Variants in ATG7 observed in about 807,000 individuals in gnomAD.
The protein encoded by ATG7 is autophagy related 7, also known as ubiquitin-like modifier-activating enzyme ATG7.
ATG7 carries 70 observed loss-of-function variants against 82.4 expected under a neutral mutation model. The ratio of observed to expected loss-of-function variants is 0.85; its 90% CI spans 0.70 to 1.04. The LOEUF is 1.04. ATG7 is among the 50% of genes least tolerant of loss of function. ATG7 has a pLI of 0.00. For synonymous variants in ATG7, 287 were observed against 313.0 expected, an observed-to-expected ratio of 0.92 and a Z score of 0.88; for missense variants, 792 against 864.3, an observed-to-expected ratio of 0.92 and a Z score of 1.05.
intron 19 of ATG7, among the ~76,000 whole-genome samples, chr3:11,385,517 T>C (rs1158484435): frequency 6.6e-6 from 1 of 152,204 alleles, no homozygotes. Context: ...ACAAAGATGA[T>C]TACAATAGCC....
At chr3:11,383,195 G>C (rs1250636036) in intron 19 of ATG7, among the ~76,000 whole-genome samples, 1 of 152,088 alleles carries the variant, frequency 6.6e-6, no homozygotes, top group Non-Finnish European at 1.5e-5. Flanking sequence ...TCCAGTTGAG[G>C]ATCAAACATT....
At chr3:11,319,740 C>T (rs1575422034) in intron 9 of ATG7, among the ~76,000 whole-genome samples, 1 of 152,320 alleles carries the variant, frequency 6.6e-6, no homozygotes, top group East Asian at 1.9e-4. Flanking sequence ...ATCTGGTTAT[C>T]CTACCGGACA....
At chr3:11,393,161 T>G (rs2078954990) in intron 19 of ATG7, among the ~76,000 whole-genome samples, 1 of 152,216 alleles carries the variant, frequency 6.6e-6, no homozygotes, top group African/African-American at 2.4e-5. Context: ...TGCCAGATTC[T>G]TATAACCCAC....
chr3:11,567,531 G>T, the ATG7 span, among the ~76,000 whole-genome samples: 1 of 152,144 alleles, frequency 6.6e-6, no homozygotes. Context: ...ACACATCCTG[G>T]CGATTTTCAA....
chr3:11,501,968 C>T (rs908743728), intron 20 of ATG7, among the ~76,000 whole-genome samples: 3 of 152,118 alleles, frequency 2.0e-5, no homozygotes, highest in Admixed American at 6.5e-5. Context: ...GGATTACAGG[C>T]GTGATCCTGG....
At chr3:11,404,114 T>G (rs1482258569) in intron 19 of ATG7, among the ~76,000 whole-genome samples, 1 of 147,890 alleles carries the variant, frequency 6.8e-6, no homozygotes, top group Non-Finnish European at 1.5e-5. Flanking sequence ...TCCTGCTTAT[T>G]AACCAGCTCA....
At chr3:11,315,862 A>G (rs1389643882) in intron 9 of ATG7, among the ~76,000 whole-genome samples, 1 of 152,142 alleles carries the variant, frequency 6.6e-6, no homozygotes, top group East Asian at 1.9e-4. Context: ...AGTAGCTGGG[A>G]CTATAGGTGC....
At chr3:11,507,899 G>C (rs371773280) in intron 20 of ATG7, among the ~76,000 whole-genome samples, 2 of 151,990 alleles carry the variant, frequency 1.3e-5, no homozygotes, top group African/African-American at 2.4e-5. Context: ...GGGGTGTAAG[G>C]CATGCTGGGA....
intron 20 of ATG7, among the ~76,000 whole-genome samples, chr3:11,486,412 G>A (rs2089653225): frequency 6.6e-6 from 1 of 152,190 alleles, no homozygotes; most frequent in Admixed American, 6.5e-5. Context: ...TGCTGAAGTT[G>A]CTTATCAGCA....
At chr3:11,528,626 G>T (rs1209168906) in intron 20 of ATG7, among the ~76,000 whole-genome samples, 1 of 151,970 alleles carries the variant, frequency 6.6e-6, no homozygotes, top group Non-Finnish European at 1.5e-5. Flanking sequence ...AGGAGTTTGA[G>T]ACCAGCCTGG....
At chr3:11,486,839 T>A (rs2089723911) in intron 20 of ATG7, among the ~76,000 whole-genome samples, 1 of 137,580 alleles carries the variant, frequency 7.3e-6, no homozygotes, top group African/African-American at 2.9e-5. Flanking sequence ...TTTTTTTTTT[T>A]TAATTTATTT....
In ATG7 at chr3:11,475,868, GACACACACACAC is replaced by G. The variant is rs3219674; in HGVS notation, c.2079+48971_2079+48982del. The stretch of plus-strand genomic sequence containing the variant: ...TCTATGTCCATCTCTCTGTCTCTGA[GACACACACACAC>G]ACACACACACACACACACACACACA... On this transcript the variant is annotated intron_variant, in intron 20 of 20. Transcript: ENST00000693202. Among the ~76,000 whole-genome samples, 558 of 111,192 alleles carry G rather than the reference GACACACACACAC, an allele frequency of 5.0e-3. 6 individuals are homozygous for G. Among genetic ancestry groups the G allele is most frequent in the Middle Eastern group, 0.013 (3 of 226 alleles). 72.9% of individuals were successfully genotyped at this position (111,192 alleles called of 152,430 possible). A position where few individuals can be genotyped will look rare whatever the true frequency, so the allele number is the denominator to read the frequency against.
At chr3:11,520,596 C>T (rs891311843) in intron 20 of ATG7, among the ~76,000 whole-genome samples, 6 of 152,124 alleles carry the variant, frequency 3.9e-5, no homozygotes, top group South Asian at 2.1e-4. Flanking sequence ...GAGGAAATGG[C>T]CCCACAGCAA....
intron 20 of ATG7, among the ~76,000 whole-genome samples, chr3:11,469,094 A>G (rs2442780): frequency 0.85 from 128,916 of 152,258 alleles, 54,782 homozygotes; most frequent in East Asian, 1. Flanking sequence ...ACAGAAGATG[A>G]GATGGTTGAA....
intron 19 of ATG7, among the ~76,000 whole-genome samples, chr3:11,386,298 A>G (rs1384527344): frequency 1.3e-5 from 2 of 152,274 alleles, no homozygotes; most frequent in African/African-American, 4.8e-5. Flanking sequence ...CAGAAAAATC[A>G]GAAAATATAT....
At chr3:11,544,488 T>C (rs2071103642) in intron 20 of ATG7, among the ~76,000 whole-genome samples, 1 of 152,230 alleles carries the variant, frequency 6.6e-6, no homozygotes, top group African/African-American at 2.4e-5. Flanking sequence ...CTGTGGCCTC[T>C]GGCCCAGAGC....
Position 11,362,779 on chromosome 3 carries a change from C to T in ATG7, c.1684-34C>T, listed in dbSNP as rs546853339. On this transcript the variant is annotated intron_variant, in intron 16 of 20. Coordinates refer to ENST00000693202, the MANE Select transcript of ATG7 (RefSeq NM_001349232.2). ...ACAGCTAGAGTTGAATGGAGTAGAA[C>T]GTTCTGCACACACCAATGATTGTTT... The T allele has an allele frequency of 1.9e-4, 305 of 1,576,818 alleles. 2 individuals carry two copies. In the South Asian group the frequency reaches 2.4e-3, roughly 13 times the overall value.
chr3:11,275,181 G>C (rs999493872), intron 1 of ATG7, among the ~76,000 whole-genome samples: 1 of 152,062 alleles, frequency 6.6e-6, no homozygotes, highest in South Asian at 2.1e-4. Context: ...GATGACGGGA[G>C]GGCAGAAATG....
At chr3:11,564,690 C>T in the ATG7 span, 6 of 1,360,548 alleles carry the variant, frequency 4.4e-6, no homozygotes, top group Admixed American at 2.2e-5. Flanking sequence ...CCCTCACCAC[C>T]TCCCTCCCTC....
Sources: allele counts gnomAD v4.1 joint callset (sites outside exome capture counted in the v4.1 genomes callset), GRCh38; gene constraint gnomAD v4.1.1; transcripts MANE v1.5; gene names NCBI Gene and HGNC (gene_info 2026-07-23, HGNC 2026-07-21).